The following ASIC2 variants were observed in gnomAD, a reference collection of about 807,000 sequenced individuals.
ASIC2 encodes the protein acid sensing ion channel subunit 2.
Under a neutral mutation model 57.3 loss-of-function variants are expected in ASIC2, and 25 were observed. That is an observed-to-expected ratio of 0.44 (90% CI 0.32 to 0.61). The LOEUF (loss-of-function observed/expected upper bound fraction) is 0.61. ASIC2 is among the 20% of genes least tolerant of loss of function. The pLI is 0.06. For synonymous variants in ASIC2, 319 were observed against 307.5 expected, an observed-to-expected ratio of 1.04 and a Z score of -0.39; for missense variants, 641 against 738.1, an observed-to-expected ratio of 0.87 and a Z score of 1.52.
At chr17:34,065,945 C>T (rs1478398072) in intron 1 of ASIC2, among the ~76,000 whole-genome samples, 2 of 152,138 alleles carry the variant, frequency 1.3e-5, no homozygotes, top group African/African-American at 4.8e-5. Flanking sequence ...ATTTAATCCA[C>T]CAACACTCTC....
At chr17:33,143,384 A>G (rs557550151) in intron 1 of ASIC2, among the ~76,000 whole-genome samples, 1 of 152,360 alleles carries the variant, frequency 6.6e-6, no homozygotes, top group East Asian at 1.9e-4. Context: ...AGCATTTCAC[A>G]TGTAGTTTTA....
intron 1 of ASIC2, among the ~76,000 whole-genome samples, chr17:33,461,722 T>C (rs928391341): frequency 3.3e-5 from 5 of 152,142 alleles, no homozygotes; most frequent in African/African-American, 1.2e-4. Context: ...ACAGGGGTAA[T>C]ACCCACCCCC....
chr17:34,121,739 C>T (rs1228001340), intron 1 of ASIC2, among the ~76,000 whole-genome samples: 1 of 152,194 alleles, frequency 6.6e-6, no homozygotes, highest in Non-Finnish European at 1.5e-5. Flanking sequence ...ACCTCCTGCC[C>T]CTACATTCCC....
At chr17:33,557,794 AT>A (rs2141981431) in intron 1 of ASIC2, among the ~76,000 whole-genome samples, 1 of 152,278 alleles carries the variant, frequency 6.6e-6, no homozygotes, top group African/African-American at 2.4e-5. Context: ...ATTATACTAA[AT>A]ATCCCTCCTA....
chr17:34,115,338 T>A (rs1911395146), intron 1 of ASIC2, among the ~76,000 whole-genome samples: 1 of 152,196 alleles, frequency 6.6e-6, no homozygotes, highest in African/African-American at 2.4e-5. Context: ...GCACTAGAAC[T>A]CATGTTTCCC....
intron 1 of ASIC2, among the ~76,000 whole-genome samples, chr17:33,160,862 C>T (rs139175097): frequency 6.6e-6 from 1 of 152,260 alleles, no homozygotes; most frequent in East Asian, 1.9e-4. Flanking sequence ...TCAGCTCTTG[C>T]ACCTCTGAGT....
chr17:33,383,028 A>AAAACAAACAAAC (rs60768735), intron 1 of ASIC2, among the ~76,000 whole-genome samples: 13,414 of 150,674 alleles, frequency 0.089, 649 homozygotes, highest in African/African-American at 0.11. Flanking sequence ...GGGAATATAA[A>AAAACAAACAAAC]AAACAAACAA....
At chr17:33,150,284 C>A (rs1213724055) in intron 1 of ASIC2, among the ~76,000 whole-genome samples, 4 of 152,200 alleles carry the variant, frequency 2.6e-5, no homozygotes, top group Admixed American at 1.3e-4. Context: ...TATCATGACA[C>A]CAGATTCCCT....
intron 1 of ASIC2, among the ~76,000 whole-genome samples, chr17:33,328,694 C>T (rs1310713146): frequency 6.6e-6 from 1 of 152,104 alleles, no homozygotes; most frequent in Admixed American, 6.5e-5. Context: ...TTCCTGTCTC[C>T]CCTTTCTCAT....
intron 1 of ASIC2, among the ~76,000 whole-genome samples, chr17:33,151,194 C>G (rs1416507620): frequency 6.7e-6 from 1 of 149,624 alleles, no homozygotes; most frequent in African/African-American, 2.5e-5. Context: ...CACACACACA[C>G]ACACACGCGC....
chr17:33,262,797 A>G (rs965966504), intron 1 of ASIC2, among the ~76,000 whole-genome samples: 12 of 152,190 alleles, frequency 7.9e-5, no homozygotes, highest in African/African-American at 2.9e-4. Flanking sequence ...GGAAAAGAAT[A>G]AAGTACTATG....
chr17:33,377,080 A>G lies in ASIC2; in HGVS notation c.556-265013T>C, dbSNP rs185036668. Among the ~76,000 whole-genome samples, 283 of 152,200 alleles carry G rather than the reference A, an allele frequency of 1.9e-3. 2 individuals carry two copies. The highest frequency in any genetic ancestry group is 5.9e-3 in the African/African-American group (246 of 41,528). On this transcript the variant is annotated intron_variant, in intron 1 of 9. Transcript: ENST00000359872. ...GGAGGGGGGGAGCGGAGATGGAGTC[A>G]TGCTCTGTAACCCAGGCTGGAGTGC...
At chr17:33,574,985 G>T (rs1025609948) in intron 1 of ASIC2, among the ~76,000 whole-genome samples, 1 of 152,142 alleles carries the variant, frequency 6.6e-6, no homozygotes, top group Non-Finnish European at 1.5e-5. Context: ...ATTCAGGTCT[G>T]TCTGTTTCAG....
At chr17:33,174,336 G>T (rs1327914077) in intron 1 of ASIC2, among the ~76,000 whole-genome samples, 1 of 151,324 alleles carries the variant, frequency 6.6e-6, no homozygotes, top group Non-Finnish European at 1.5e-5. Flanking sequence ...TGGGAGAATC[G>T]CTTGAACCTG....
intron 1 of ASIC2, among the ~76,000 whole-genome samples, chr17:34,089,785 C>T (rs1288535955): frequency 6.6e-6 from 1 of 152,124 alleles, no homozygotes; most frequent in African/African-American, 2.4e-5. Context: ...TCTCAGATTC[C>T]TTGTGACCTC....
At chr17:33,493,693 G>T (rs1021836307) in intron 1 of ASIC2, among the ~76,000 whole-genome samples, 1 of 151,956 alleles carries the variant, frequency 6.6e-6, no homozygotes, top group African/African-American at 2.4e-5. Context: ...ACCCAGAATC[G>T]GTCTGCCCTT....
rs34800121 is a variant in ASIC2 at position 33,935,232 on chromosome 17, A to T, written c.555+220746T>A. 8.8e-3 allele frequency among the ~76,000 whole-genome samples: 1,336 copies of T among 152,120 alleles called. 27 individuals carry two copies. The highest frequency in any genetic ancestry group is 0.03 in the African/African-American group (1,244 of 41,496). ...CCCAAACCTCCTAGTCATCCTTTAA[A>T]CCCACTCAAATGTCACCTTTTCTGT... On this transcript the variant is annotated intron_variant, in intron 1 of 9. Transcript: ENST00000359872.
chr17:33,164,155 C>T (rs1905239367), intron 1 of ASIC2, among the ~76,000 whole-genome samples: 1 of 152,172 alleles, frequency 6.6e-6, no homozygotes, highest in South Asian at 2.1e-4. Context: ...GTCTTCTTGC[C>T]CTACCTGGGG....
intron 1 of ASIC2, among the ~76,000 whole-genome samples, chr17:33,876,118 A>G (rs1262303215): frequency 6.6e-6 from 1 of 152,244 alleles, no homozygotes; most frequent in Non-Finnish European, 1.5e-5. Flanking sequence ...GCTGGCACTT[A>G]CTGGCTCTGT....
Sources: allele counts gnomAD v4.1 joint callset (sites outside exome capture counted in the v4.1 genomes callset), GRCh38; gene constraint gnomAD v4.1.1; transcripts MANE v1.5; gene names NCBI Gene and HGNC (gene_info 2026-07-23, HGNC 2026-07-21).